PRKN: variants seen among roughly 807,000 people sequenced by gnomAD.
PRKN encodes the protein E3 ubiquitin-protein ligase parkin.
In PRKN, 56 loss-of-function variants were observed where a neutral mutation model predicts 59.5. The ratio of observed to expected loss-of-function variants is 0.94; its 90% confidence interval spans 0.76 to 1.18. The LOEUF (loss-of-function observed/expected upper bound fraction) is 1.18. PRKN is among the 50% of genes most tolerant of loss of function. PRKN has a pLI of 0.00. For synonymous variants in PRKN, 250 were observed against 222.1 expected (o/e 1.13, Z -1.12); for missense variants, 657 against 596.4 (o/e 1.10, Z -1.06).
At chr6:162,020,294 T>A (rs1783086897) in intron 5 of PRKN, among the ~76,000 whole-genome samples, 1 of 132,096 alleles carries the variant, frequency 7.6e-6, no homozygotes, top group Non-Finnish European at 1.5e-5. Context: ...GGAACTGGAA[T>A]TGTCAGTGAC....
At chr6:161,704,555 C>T (rs1296357455) in intron 7 of PRKN, among the ~76,000 whole-genome samples, 1 of 152,162 alleles carries the variant, frequency 6.6e-6, no homozygotes, top group Non-Finnish European at 1.5e-5. Context: ...CCACAGGTCT[C>T]ATCTAAATCA....
chr6:162,539,321 A>ATT (rs1266050930), intron 1 of PRKN, among the ~76,000 whole-genome samples: 1 of 152,212 alleles, frequency 6.6e-6, no homozygotes, highest in Non-Finnish European at 1.5e-5. Flanking sequence ...AATTAGACAC[A>ATT]TGGGTAAATT....
chr6:162,472,847 A>G (rs1791827561), intron 1 of PRKN, among the ~76,000 whole-genome samples: 1 of 148,912 alleles, frequency 6.7e-6, no homozygotes, highest in Non-Finnish European at 1.5e-5. Flanking sequence ...ATATTTCCGA[A>G]GCTGTTCAGA....
intron 7 of PRKN, among the ~76,000 whole-genome samples, chr6:161,699,072 G>T (rs564089958): frequency 6.6e-6 from 1 of 152,270 alleles, no homozygotes; most frequent in Non-Finnish European, 1.5e-5. Context: ...TGGCAAAAGA[G>T]TTGAATGGAT....
At chr6:161,968,177 T>A (rs1326752115) in intron 6 of PRKN, among the ~76,000 whole-genome samples, 1 of 143,616 alleles carries the variant, frequency 7.0e-6, no homozygotes, top group Non-Finnish European at 1.5e-5. Context: ...CGCGCCACCA[T>A]GCCTGGCTAA....
chr6:162,462,864 T>C (rs754723638), intron 1 of PRKN, among the ~76,000 whole-genome samples: 3 of 151,948 alleles, frequency 2.0e-5, no homozygotes, highest in African/African-American at 7.3e-5. Context: ...GAGGCCGAGG[T>C]GGGTGCATCA....
In PRKN at chr6:161,833,505, AT is replaced by A. The variant is rs953328690; in HGVS notation, c.735-47598del. 2.6e-5 allele frequency among the ~76,000 whole-genome samples: 4 copies of A among 151,812 alleles called. No individual in the cohort carries two copies. The South Asian group carries it at 6.3e-4, about 24-fold the overall frequency. On this transcript the variant is annotated intron_variant, in intron 6 of 11. Coordinates refer to ENST00000366898, the MANE Select transcript of PRKN (RefSeq NM_004562.3). ...CTGATGCTGTTCTAGGACCATTAGC[AT>A]TTTTTTTTCCCTGGGCTGCCTCAGT...
rs753940584 is a variant in PRKN, at chr6:161,785,803, G to T, written c.840C>A (p.Asp280Glu). 1 of 1,614,066 alleles carries T rather than the reference G, an allele frequency of 6.2e-7. No individual in the cohort carries two copies. Among genetic ancestry groups the T allele is most frequent in the Non-Finnish European group, 8.5e-7 (1 of 1,179,968 alleles). The change falls in exon 7 of 12, where the codon GAC (aspartate) becomes GAA (glutamate). Residue 280 changes from aspartate (D) to glutamate (E), a missense_variant. Physicochemically the swap from Asp to Glu is conservative, Grantham distance 45. Transcript: ENST00000366898. The stretch of plus-strand genomic sequence containing the variant: ...AAGGCAGGGAGTAGCCAAGTTGAGG[G>T]TCGTGAACAAACTGCCGATCATTGA... Reference protein sequence around the residue: ...TRLNDRQFVHDPQLGYSLPCV... With the variant: ...TRLNDRQFVHEPQLGYSLPCV...
chr6:161,452,168 G>T (rs1258179735), intron 9 of PRKN, among the ~76,000 whole-genome samples: 1 of 150,164 alleles, frequency 6.7e-6, no homozygotes, highest in Non-Finnish European at 1.5e-5. Context: ...TGGCTAGGCT[G>T]GTGTCGAAGT....
chr6:162,024,783 T>C (rs1783357464), intron 5 of PRKN, among the ~76,000 whole-genome samples: 1 of 152,172 alleles, frequency 6.6e-6, no homozygotes, highest in South Asian at 2.1e-4. Context: ...GAATGAATTT[T>C]GAGTTCATCG....
intron 5 of PRKN, among the ~76,000 whole-genome samples, chr6:162,025,113 C>T (rs1270364202): frequency 4.0e-5 from 6 of 150,558 alleles, no homozygotes; most frequent in South Asian, 4.2e-4. Flanking sequence ...CCTCCTGGGT[C>T]CACGCCATTC....
At chr6:162,629,739 T>G (rs1041537419) in intron 1 of PRKN, among the ~76,000 whole-genome samples, 6 of 152,138 alleles carry the variant, frequency 3.9e-5, no homozygotes, top group African/African-American at 1.4e-4. Flanking sequence ...AAATGATGTA[T>G]TTCATATAAG....
intron 1 of PRKN, among the ~76,000 whole-genome samples, chr6:162,686,325 C>T (rs1453267042): frequency 6.6e-6 from 1 of 152,152 alleles, no homozygotes; most frequent in African/African-American, 2.4e-5. Flanking sequence ...AAACACTGGA[C>T]ATTTAATAAA....
At position 161,503,954 on chromosome 6, in the gene PRKN, C is replaced by T. The variant is rs184410835; in HGVS notation, c.1083+44900G>A. On this transcript the variant is annotated intron_variant, in intron 9 of 11. Transcript: ENST00000366898. The surrounding 1 kb of genome is among the most constrained non-coding windows in gnomAD (Gnocchi z 5.1). ...GCATTGAAGAACCTCTGTGGTCAAC[C>T]TAATTCTTTGCTATATCCATGATCT... Among the ~76,000 whole-genome samples the T allele has an allele frequency of 6.6e-6, 1 of 152,276 alleles. No homozygotes were observed. Among genetic ancestry groups the T allele is most frequent in the Admixed American group, 6.5e-5 (1 of 15,292 alleles).
At chr6:162,032,561 C>T (rs1277174684) in intron 5 of PRKN, among the ~76,000 whole-genome samples, 2 of 152,140 alleles carry the variant, frequency 1.3e-5, no homozygotes, top group Non-Finnish European at 2.9e-5. Context: ...CTACTATCTG[C>T]TGGTTATCTT....
intron 9 of PRKN, among the ~76,000 whole-genome samples, chr6:161,469,328 C>T (rs999368492): frequency 1.6e-4 from 24 of 152,140 alleles, no homozygotes; most frequent in African/African-American, 5.3e-4. Context: ...AGGTGCCTTC[C>T]GCCATGATGT....
chr6:162,367,894 G>A (rs993800887), intron 2 of PRKN, among the ~76,000 whole-genome samples: 29 of 152,198 alleles, frequency 1.9e-4, no homozygotes, highest in African/African-American at 2.9e-4. Flanking sequence ...TGAGTGCTGA[G>A]TGCATGCCAG....
At chr6:162,165,108 A>G (rs535513718) in intron 4 of PRKN, among the ~76,000 whole-genome samples, 1 of 149,090 alleles carries the variant, frequency 6.7e-6, no homozygotes, top group East Asian at 1.9e-4. Flanking sequence ...TATCATAGTC[A>G]TCCAAATAAA....
rs1784453557 is a variant in PRKN, at chr6:161,349,989, T to C, written c.*110A>G. 3.9e-6 allele frequency: 3 copies of C among 766,600 alleles called. No homozygotes were observed. The South Asian group carries it at 4.4e-5, about 11-fold the overall frequency. The allele number at this position is 766,600 out of a possible 1,614,324, so 47.5% of individuals were successfully genotyped here. ...CTTTGAAAAAAACTTGAAGAGTGTGTGTGCGCGCGCGCGCGTGTGTGTGTG... is the reference window on the plus strand; with the variant it reads ...CTTTGAAAAAAACTTGAAGAGTGTGCGTGCGCGCGCGCGCGTGTGTGTGTG... On this transcript the variant is annotated 3_prime_UTR_variant, in exon 12 of 12. Coordinates refer to ENST00000366898, the MANE Select transcript of PRKN (RefSeq NM_004562.3). This position sits in a 1 kb window ranked among gnomAD's most constrained non-coding sequence, Gnocchi z 5.5.
Sources: gnomAD v4.1 joint callset for allele counts (sites outside exome capture counted in the v4.1 genomes callset) on GRCh38, gnomAD v4.1.1 for gene constraint, Gnocchi (gnomAD v3.1) non-coding constraint, MANE v1.5 for transcripts, NCBI Gene and HGNC (gene_info 2026-07-23, HGNC 2026-07-21) for gene names.